Variants in ENPP2 observed in about 807,000 individuals in gnomAD.
ENPP2 encodes autotaxin.
Under a neutral mutation model 120.2 loss-of-function variants are expected in ENPP2, and 51 were observed. That is an observed-to-expected ratio of 0.42 (90% CI 0.34 to 0.54). The LOEUF is 0.54. Among genes scored for constraint, ENPP2 ranks in the 20% least tolerant of loss-of-function variants. The probability of loss-of-function intolerance (pLI) is 0.04; values close to 1 mark genes in which losing one functional copy is unlikely to be tolerated. For synonymous variants in ENPP2, 365 were observed against 366.4 expected (o/e 1.00, Z 0.04); for missense variants, 920 against 1,066.5 (o/e 0.86, Z 1.91).
intron 11 of ENPP2, among the ~76,000 whole-genome samples, chr8:119,596,989 C>CTT (rs1554614458): frequency 6.8e-6 from 1 of 148,092 alleles, no homozygotes. Flanking sequence ...TGACTTCTCT[C>CTT]GGAGGGTGGG....
chr8:119,582,572 T>G lies in ENPP2; in HGVS notation c.1574A>C (p.Asn525Thr). The G allele has an allele frequency of 6.2e-7, 1 of 1,613,644 alleles. No individual in the cohort carries two copies. Among genetic ancestry groups the G allele is most frequent in the Non-Finnish European group, 8.5e-7 (1 of 1,179,554 alleles). ...ATGATTCAAACTTCCATGGGTCCCA[T>G]TATTAGGAGCTGGCTTCAATCCCAG... Reference protein sequence around the residue: ...DLLGLKPAPNNGTHGSLNHLL... With the variant: ...DLLGLKPAPNTGTHGSLNHLL... The change falls in exon 18 of 25, where the codon AAT becomes ACT. Residue 525 changes from asparagine to threonine, a missense_variant. Physicochemically the swap from Asn to Thr is moderately conservative, Grantham distance 65. Coordinates refer to ENST00000075322, the MANE Select transcript of ENPP2 (RefSeq NM_001040092.3).
chr8:119,644,600 A>ATATATATATG (rs1817378709), intron 1 of ENPP2, among the ~76,000 whole-genome samples: 1 of 90,744 alleles, frequency 1.1e-5, no homozygotes, highest in Non-Finnish European at 2.1e-5. Context: ...ATATATATAT[A>ATATATATATG]TATATATATA....
chr8:119,629,288 T>C (rs1478775463), intron 2 of ENPP2, among the ~76,000 whole-genome samples: 2 of 152,174 alleles, frequency 1.3e-5, no homozygotes, highest in African/African-American at 2.4e-5. Context: ...AAATATACCA[T>C]ATATGTAAAT....
At chr8:119,641,360 T>C (rs1337277153), upstream of ENPP2, among the ~76,000 whole-genome samples, 1 of 149,544 alleles carries the variant, frequency 6.7e-6, no homozygotes, top group Non-Finnish European at 1.5e-5. Context: ...ATAAAGTAGG[T>C]TAAGAAATTC....
chr8:119,644,625 T>TATATATATATATATAC (rs1327738777), intron 1 of ENPP2, among the ~76,000 whole-genome samples: 3 of 74,304 alleles, frequency 4.0e-5, no homozygotes, highest in Non-Finnish European at 5.1e-5. Flanking sequence ...TATATATATA[T>TATATATATATATATAC]ACACACACAC....
At chr8:119,670,884 T>G (rs1004202251) in intron 1 of ENPP2, among the ~76,000 whole-genome samples, 1 of 152,188 alleles carries the variant, frequency 6.6e-6, no homozygotes, top group Admixed American at 6.5e-5. Flanking sequence ...AAAGGCAAGT[T>G]GTGGACAATG....
At chr8:119,619,386 T>A in intron 4 of ENPP2, 82 bp from the exon 5 acceptor site, 1 of 938,344 alleles carries the variant, frequency 1.1e-6, no homozygotes, top group Non-Finnish European at 1.7e-6. Context: ...AGGATCTGTG[T>A]CCTGTTTGAT....
intron 23 of ENPP2, among the ~76,000 whole-genome samples, chr8:119,564,027 C>T (rs1449241018): frequency 2.0e-5 from 3 of 150,950 alleles, no homozygotes; most frequent in Admixed American, 6.6e-5. Flanking sequence ...AAAATACATC[C>T]CAATCACTCT....
intron 9 of ENPP2, among the ~76,000 whole-genome samples, chr8:119,603,255 T>A (rs976120120): frequency 2.0e-5 from 3 of 152,204 alleles, no homozygotes; most frequent in Non-Finnish European, 4.4e-5. Flanking sequence ...CCAGAGCCTT[T>A]TCATTATACT....
intron 2 of ENPP2, among the ~76,000 whole-genome samples, chr8:119,636,854 C>A (rs1009011887): frequency 4.6e-5 from 7 of 151,738 alleles, no homozygotes; most frequent in Non-Finnish European, 8.8e-5. Context: ...GCTAAGGAAA[C>A]AGACTTCACA....
At chr8:119,617,097 T>C in intron 7 of ENPP2, 67 bp downstream of exon 7, 1 of 998,480 alleles carries the variant, frequency 1.0e-6, no homozygotes, top group African/African-American at 1.6e-5. Flanking sequence ...AAGTAAAGTC[T>C]CTCCTTTAAA....
intron 2 of ENPP2, among the ~76,000 whole-genome samples, chr8:119,629,567 T>C (rs996351373): frequency 6.6e-6 from 1 of 152,206 alleles, no homozygotes; most frequent in Non-Finnish European, 1.5e-5. Context: ...TCAGTTCAAC[T>C]AAAGCAAACA....
chr8:119,587,213 A>C (rs779410925), intron 13 of ENPP2, 138 bp from the exon 14 acceptor site: 95 of 742,262 alleles, frequency 1.3e-4, no homozygotes, highest in Non-Finnish European at 2.0e-4. Flanking sequence ...TTGAAAGATA[A>C]ATAATTGTGT....
intron 24 of ENPP2, among the ~76,000 whole-genome samples, 173 bp from the exon 25 acceptor site, chr8:119,557,864 G>C (rs978912422): frequency 1.3e-5 from 2 of 152,192 alleles, no homozygotes; most frequent in African/African-American, 4.8e-5. Flanking sequence ...TGGGTAATGT[G>C]CCACAAATAC....
chr8:119,608,084 C>G, intron 8 of ENPP2, 107 bp from the exon 9 acceptor site: 2 of 583,858 alleles, frequency 3.4e-6, no homozygotes, highest in Non-Finnish European at 5.9e-6. Flanking sequence ...TACTCACACC[C>G]CAACATAAAT....
chr8:119,562,010 G>A (rs546724465), intron 24 of ENPP2, among the ~76,000 whole-genome samples: 6 of 152,188 alleles, frequency 3.9e-5, no homozygotes, highest in South Asian at 2.1e-4. Flanking sequence ...GGTGGTGGGC[G>A]CCTATAGTCC....
At chr8:119,576,921 TTAGTA>T (rs1812380413) in intron 19 of ENPP2, among the ~76,000 whole-genome samples, 2 of 152,214 alleles carry the variant, frequency 1.3e-5, no homozygotes, top group Non-Finnish European at 2.9e-5. Context: ...TCTCTTTATT[TTAGTA>T]AAGGATTTGA....
chr8:119,634,739 C>A (rs1464393299), intron 2 of ENPP2, among the ~76,000 whole-genome samples: 2 of 151,946 alleles, frequency 1.3e-5, no homozygotes, highest in African/African-American at 4.8e-5. Flanking sequence ...TTTAGAAGTT[C>A]TTTTCAAAAT....
intron 1 of ENPP2, among the ~76,000 whole-genome samples, chr8:119,654,227 A>G (rs899645117): frequency 2.2e-5 from 3 of 138,960 alleles, no homozygotes; most frequent in African/African-American, 8.0e-5. Flanking sequence ...TTATGTATAG[A>G]TATAAAAGAT....
Sources: gnomAD v4.1 joint callset for allele counts (sites outside exome capture counted in the v4.1 genomes callset) on GRCh38, gnomAD v4.1.1 for gene constraint, MANE v1.5 for transcripts, NCBI Gene and HGNC (gene_info 2026-07-23, HGNC 2026-07-21) for gene names.